SMC2: variants seen among roughly 807,000 people sequenced by gnomAD.
SMC2 encodes structural maintenance of chromosomes 2.
A neutral mutation model predicts 142.6 loss-of-function variants in SMC2; 41 were observed. That is an observed-to-expected ratio of 0.29 (90% CI 0.22 to 0.37). The LOEUF (loss-of-function observed/expected upper bound fraction) is 0.37. Among genes scored for constraint, SMC2 ranks in the 10% least tolerant of loss-of-function variants. SMC2 has a pLI of 1.00. For missense variants in SMC2, 1,265 were observed against 1,373.7 expected, an observed-to-expected ratio of 0.92 and a Z score of 1.25; for synonymous variants, 463 against 457.5, an observed-to-expected ratio of 1.01 and a Z score of -0.15.
At chr9:104,090,992 G>C (rs1431788767), upstream of SMC2, among the ~76,000 whole-genome samples, 3 of 152,126 alleles carry the variant, frequency 2.0e-5, no homozygotes, top group Non-Finnish European at 4.4e-5. Flanking sequence ...AAATGAATGG[G>C]TCTAACCAGT....
rs1216817484 is a variant in SMC2, at chr9:104,139,890, C to T, written c.*575C>T. 6.6e-6 allele frequency: 1 copy of T among 152,092 alleles called. No homozygotes were observed. Among genetic ancestry groups the T allele is most frequent in the Non-Finnish European group, 1.5e-5 (1 of 68,078 alleles). The allele number at this position is 152,092 out of a possible 1,614,324, so 9.4% of individuals were successfully genotyped here. ...TGAAAGAATCCTTATTTTAATGATA[C>T]ATGAATATCATGTTCCTATACGCTT... On this transcript the variant is annotated 3_prime_UTR_variant, in exon 25 of 25. Coordinates refer to ENST00000374793, the MANE Select transcript of SMC2 (RefSeq NM_006444.3).
chr9:104,118,441 A>G, intron 15 of SMC2, 66 bp downstream of exon 15: 1 of 1,374,852 alleles, frequency 7.3e-7, no homozygotes. Context: ...TTTTTTAAGT[A>G]CATTTTTAGC....
Position 104,102,459 on chromosome 9 carries a change from T to C in SMC2, c.906T>C (p.Ala302=), listed in dbSNP as rs749984843. 8 of 1,612,102 alleles carry C rather than the reference T, an allele frequency of 5.0e-6. No homozygotes were observed. The highest frequency in any genetic ancestry group is 6.8e-6 in the Non-Finnish European group (8 of 1,179,274). The change falls in exon 9 of 25, where the codon GCT becomes GCC. Residue 302 remains alanine, a synonymous_variant. Transcript: ENST00000374793. ...TGGILRSLED[A]LAEAQRVNTK... The stretch of plus-strand genomic sequence containing the variant: ...GTATACTTCGATCTTTAGAAGATGC[T>C]CTTGCAGAGGCTCAGCGAGTTAATA...
chr9:104,090,676 A>G (rs1048131542), upstream of SMC2, among the ~76,000 whole-genome samples: 1 of 152,318 alleles, frequency 6.6e-6, no homozygotes, highest in South Asian at 2.1e-4. Context: ...AAGCAAATGC[A>G]TAATTGTCTA....
At position 104,098,546 on chromosome 9, in the gene SMC2, A is replaced by G; in HGVS notation, c.419A>G (p.Asn140Ser). Residue 140 changes from asparagine to serine, a missense_variant, in exon 4 of 25, where the codon AAC becomes AGC. Asn to Ser is a conservative substitution (Grantham distance 46, BLOSUM62 1). Around this residue, in one of 4 missense-constraint regions of SMC2, gnomAD observed 168 missense variants for 184.8 expected, o/e 0.91. Transcript: ENST00000374793. ...TGTTCTGTTGGCCTTAATGTTAACA[A>G]CCCTCACTTTCTCATCATGCAGGTA... ...LFCSVGLNVN[N>S]PHFLIMQGRI... The G allele has an allele frequency of 6.3e-7, 1 of 1,591,518 alleles. No homozygotes were observed. Among genetic ancestry groups the G allele is most frequent in the South Asian group, 1.2e-5 (1 of 86,166 alleles).
intron 19 of SMC2, 103 bp from the exon 20 acceptor site, chr9:104,127,183 C>T: frequency 2.4e-6 from 2 of 824,582 alleles, no homozygotes; most frequent in Middle Eastern, 3.7e-4. Flanking sequence ...TGCCTGTAAT[C>T]ACATTGCCCT....
chr9:104,134,242 C>T (rs552633611), intron 22 of SMC2, among the ~76,000 whole-genome samples, 173 bp from the exon 23 acceptor site: 4 of 152,232 alleles, frequency 2.6e-5, no homozygotes, highest in Non-Finnish European at 4.4e-5. Context: ...CACCGATAGA[C>T]GCTTTGTAAA....
chr9:104,125,001 G>T lies in SMC2; in HGVS notation c.2347G>T (p.Ala783Ser). 3 of 1,606,380 alleles carry T rather than the reference G, an allele frequency of 1.9e-6. No homozygotes were observed. The highest frequency in any genetic ancestry group is 2.5e-6 in the Non-Finnish European group (3 of 1,178,160). ...AGTATTGGAAAATAAAATGAAAAATGCAGAAGCTGAAAGAGAGCGAGAACT... is the reference window on the plus strand; with the variant it reads ...AGTATTGGAAAATAAAATGAAAAATTCAGAAGCTGAAAGAGAGCGAGAACT... ...YEVLENKMKN[A>S]EAERERELKD... The change falls in exon 18 of 25, where the codon GCA becomes TCA. Residue 783 changes from alanine to serine, a missense_variant. By Grantham distance (99) the Ala-to-Ser change is moderately conservative (BLOSUM62 1). Coordinates refer to ENST00000374793, the MANE Select transcript of SMC2 (RefSeq NM_006444.3).
chr9:104,123,356 C>G, intron 17 of SMC2, 124 bp downstream of exon 17: 1 of 899,904 alleles, frequency 1.1e-6, no homozygotes. Context: ...AGGGAAAATC[C>G]AAGTATGGGA....
In SMC2 at chr9:104,100,147, A is replaced by T. The variant is rs140049238; in HGVS notation, c.535A>T (p.Ile179Leu). Reference protein sequence around the residue: ...AGTRMYEYKKIAAQKTIEKKE... With the variant: ...AGTRMYEYKKLAAQKTIEKKE... ...AACCAGGATGTATGAATACAAAAAA[A>T]TAGCTGCACAGAAAACTATAGAAAA... The change falls in exon 6 of 25, where the codon ATA becomes TTA. Residue 179 changes from isoleucine (I) to leucine (L), a missense_variant. By Grantham distance (5) the Ile-to-Leu change is conservative (BLOSUM62 2). This residue lies in a region of SMC2 where 898 missense variants were observed against 904.2 expected (regional missense o/e 0.99). Transcript: ENST00000374793. 53 of 1,579,780 alleles carry T rather than the reference A, an allele frequency of 3.4e-5. 1 individual carries two copies. In the Middle Eastern group the frequency reaches 5.3e-4, roughly 16 times the overall value.
chr9:104,134,383 G>C, intron 22 of SMC2, 32 bp from the exon 23 acceptor site: 1 of 1,526,466 alleles, frequency 6.6e-7, no homozygotes, highest in Non-Finnish European at 8.9e-7. Context: ...AAAGCATCCT[G>C]ATGTTTTAAC....
At chr9:104,099,814 A>G (rs1011117693) in intron 5 of SMC2, 132 bp downstream of exon 5, 3 of 641,518 alleles carry the variant, frequency 4.7e-6, no homozygotes, top group Non-Finnish European at 8.0e-6. Context: ...ACAGTTGTAT[A>G]TTTGTGTAAT....
chr9:104,126,801 A>G lies in SMC2; in HGVS notation c.2595+17A>G, dbSNP rs759906913. ...AAAAATAAGGTAGGATTTATTTATCAAATTCGAGAAATTGAAAATGCGAAT... is the reference window on the plus strand; with the variant it reads ...AAAAATAAGGTAGGATTTATTTATCGAATTCGAGAAATTGAAAATGCGAAT... On this transcript the variant is annotated intron_variant, in intron 19 of 24. Transcript: ENST00000374793. 20 of 1,578,546 alleles carry G rather than the reference A, an allele frequency of 1.3e-5. No homozygotes were observed. The highest frequency in any genetic ancestry group is 1.6e-5 in the Non-Finnish European group (19 of 1,166,460).
Position 104,123,132 on chromosome 9 carries a change from G to GGAGAT in SMC2, c.2160_2164dup (p.Lys722ArgfsTer2). 6.2e-7 allele frequency: 1 copy of GGAGAT among 1,611,034 alleles called. No individual in the cohort carries two copies. Among genetic ancestry groups the GGAGAT allele is most frequent in the Non-Finnish European group, 8.5e-7 (1 of 1,178,514 alleles). Reference sequence around the variant, plus strand: ...GGTATCGCCAACTAAAACAGCAGTGGGAGATGAAAACTGAAGAGGCAGATT... The same window carrying GGAGAT: ...GGTATCGCCAACTAAAACAGCAGTGGGAGATGAGATGAAAACTGAAGAGGCAGATT... On this transcript the variant is annotated frameshift_variant, in exon 17 of 25. Coordinates refer to ENST00000374793, the MANE Select transcript of SMC2 (RefSeq NM_006444.3). LOFTEE classifies it high-confidence loss of function.
At position 104,111,454 on chromosome 9, in the gene SMC2, T is replaced by C; in HGVS notation, c.1021-127T>C. Reference sequence around the variant, plus strand: ...TAATTCAGTATTTATAAAGTTATGATGGTTAAATTATTTTATTATGCTCAC... The same window carrying C: ...TAATTCAGTATTTATAAAGTTATGACGGTTAAATTATTTTATTATGCTCAC... On this transcript the variant is annotated intron_variant, in intron 9 of 24. Coordinates refer to ENST00000374793, the MANE Select transcript of SMC2 (RefSeq NM_006444.3). 3 of 595,794 alleles carry C rather than the reference T, an allele frequency of 5.0e-6. No homozygotes were observed. The East Asian group carries it at 8.5e-5, about 17-fold the overall frequency. The allele number at this position is 595,794 out of a possible 1,614,324, so 36.9% of individuals were successfully genotyped here. A position where few individuals can be genotyped will look rare whatever the true frequency, so the allele number is the denominator to read the frequency against.
At chr9:104,129,892 G>A in intron 21 of SMC2, 47 bp downstream of exon 21, 7 of 1,388,192 alleles carry the variant, frequency 5.0e-6, no homozygotes, top group Non-Finnish European at 5.1e-6. Flanking sequence ...AACATGACTA[G>A]CATTGACAGC....
intron 14 of SMC2, 91 bp from the exon 15 acceptor site, chr9:104,118,080 T>C: frequency 3.2e-6 from 3 of 926,858 alleles, no homozygotes. Flanking sequence ...TATTTAAGTT[T>C]CTATTACAGC....
Position 104,139,292 on chromosome 9 carries a change from A to C in SMC2, c.3571A>C (p.Lys1191Gln), listed in dbSNP as rs1366951646. The C allele has an allele frequency of 6.3e-7, 1 of 1,594,094 alleles. No homozygotes were observed. The change falls in exon 25 of 25, where the codon AAA becomes CAA. Residue 1191 changes from lysine to glutamine, a missense_variant. Coordinates refer to ENST00000374793, the MANE Select transcript of SMC2 (RefSeq NM_006444.3). ...AGCAAAATCCAAGGCAAAACCACCC[A>C]AAGGAGCACATGTGGAAGTTTAAAC... ...KEAKSKAKPP[K>Q]GAHVEV
intron 19 of SMC2, 114 bp from the exon 20 acceptor site, chr9:104,127,172 C>A: frequency 1.4e-6 from 1 of 730,640 alleles, no homozygotes; most frequent in Non-Finnish European, 2.2e-6. Flanking sequence ...GATCATCTCT[C>A]TGCCTGTAAT....
Sources: allele counts gnomAD v4.1 joint callset (sites outside exome capture counted in the v4.1 genomes callset), GRCh38; gene constraint gnomAD v4.1.1; regional missense constraint gnomAD v4.1.1; transcripts MANE v1.5; gene names NCBI Gene and HGNC (gene_info 2026-07-23, HGNC 2026-07-21).